Variants in HMCN1 observed in about 807,000 individuals in gnomAD.
The protein encoded by HMCN1 is hemicentin-1.
Under a neutral mutation model 625.9 loss-of-function variants are expected in HMCN1, and 321 were observed. The observed-to-expected ratio is 0.51, with a 90% confidence interval of 0.47 to 0.56. The LOEUF (loss-of-function observed/expected upper bound fraction) is 0.56, where lower values mean the gene tolerates loss of function less well. Among genes scored for constraint, HMCN1 ranks in the 20% least tolerant of loss-of-function variants. The pLI is 0.00. For missense variants in HMCN1, 6,588 were observed against 6,887.3 expected (o/e 0.96, Z 1.54); for synonymous variants, 2,425 against 2,417.6 (o/e 1.00, Z -0.09).
intron 1 of HMCN1, among the ~76,000 whole-genome samples, chr1:185,737,278 C>A (rs760340972): frequency 3.3e-5 from 5 of 152,018 alleles, no homozygotes; most frequent in Admixed American, 1.3e-4. Context: ...CTTCAGCCTC[C>A]CGAGTAGCTG....
chr1:185,740,796 C>T (rs1014599568), intron 1 of HMCN1, among the ~76,000 whole-genome samples: 1 of 151,974 alleles, frequency 6.6e-6, no homozygotes, highest in African/African-American at 2.4e-5. Context: ...GAGTTCAAGA[C>T]CAGCCTGGTC....
chr1:186,073,798 A>G (rs1658619373), intron 52 of HMCN1, among the ~76,000 whole-genome samples: 1 of 152,060 alleles, frequency 6.6e-6, no homozygotes, highest in South Asian at 2.1e-4. Flanking sequence ...ATGAAAAAAA[A>G]AAAACTTAAA....
chr1:185,900,813 G>A (rs1665763681), intron 4 of HMCN1, among the ~76,000 whole-genome samples: 1 of 151,882 alleles, frequency 6.6e-6, no homozygotes, highest in African/African-American at 2.4e-5. Context: ...AATCAGAGTA[G>A]AGATATACAA....
chr1:185,857,448 T>G (rs946588961), intron 2 of HMCN1, among the ~76,000 whole-genome samples: 2 of 151,380 alleles, frequency 1.3e-5, no homozygotes, highest in African/African-American at 4.9e-5. Flanking sequence ...ACAGTTCATC[T>G]CCATTATACC....
At chr1:186,017,726 C>T (rs1654455352) in intron 33 of HMCN1, among the ~76,000 whole-genome samples, 2 of 151,970 alleles carry the variant, frequency 1.3e-5, no homozygotes, top group South Asian at 4.1e-4. Context: ...ATTATTTAAA[C>T]ATTGAAGAGA....
intron 1 of HMCN1, among the ~76,000 whole-genome samples, chr1:185,783,514 T>C (rs1657307335): frequency 6.6e-6 from 1 of 152,168 alleles, no homozygotes; most frequent in African/African-American, 2.4e-5. Flanking sequence ...GACGTACGGA[T>C]GGGGTTTTGG....
At position 186,137,492 on chromosome 1, in the gene HMCN1, T is replaced by A; in HGVS notation, c.13583-6T>A. The A allele has an allele frequency of 6.2e-7, 1 of 1,612,928 alleles. No individual in the cohort carries two copies. The highest frequency in any genetic ancestry group is 8.5e-7 in the Non-Finnish European group (1 of 1,179,560). ...GCTTAGACAAAGTACAATGTTTTAT[T>A]TGCAGTTCATGGTGGATTTTCCCAG... On this transcript the variant is annotated splice_region_variant and splice_polypyrimidine_tract_variant and intron_variant, in intron 87 of 106. Transcript: ENST00000271588.
In HMCN1 at chr1:186,189,825, G is replaced by A; in HGVS notation, c.16855G>A (p.Glu5619Lys). The change falls in exon 107 of 107, where the codon GAA (glutamate) becomes AAA (lysine). Residue 5619 changes from glutamate (E) to lysine (K), a missense_variant. By Grantham distance (56) the Glu-to-Lys change is moderately conservative. Coordinates refer to ENST00000271588, the MANE Select transcript of HMCN1 (RefSeq NM_031935.3). ...ASSYSANGTIEYQTTFIVYIA... is the reference protein window; with the variant it reads ...ASSYSANGTIKYQTTFIVYIA... ...ATCCTACAGTGCCAATGGGACCATTGAATATCAGACCACATTCATAGTTTA... is the reference window on the plus strand; with the variant it reads ...ATCCTACAGTGCCAATGGGACCATTAAATATCAGACCACATTCATAGTTTA... The A allele has an allele frequency of 1.2e-6, 2 of 1,613,744 alleles. No individual in the cohort carries two copies. Among genetic ancestry groups the A allele is most frequent in the Non-Finnish European group, 1.7e-6 (2 of 1,179,822 alleles).
rs1431117252 is a variant in HMCN1, at chr1:186,132,359, C to T, written c.13262C>T (p.Ala4421Val). ...NEDAGDYTCV[A>V]TNEAGVVERS... ...GATGCCGGTGACTATACATGTGTAG[C>T]TACCAATGAAGCTGGGGTGGTGGAG... Residue 4421 changes from alanine (A) to valine (V), a missense_variant, in exon 86 of 107, where the codon GCT becomes GTT. This residue lies in a region of HMCN1 where 1,954 missense variants were observed against 2,013.1 expected (regional missense o/e 0.97). Transcript: ENST00000271588. 1 of 1,612,706 alleles carries T rather than the reference C, an allele frequency of 6.2e-7. No homozygotes were observed. Among genetic ancestry groups the T allele is most frequent in the Non-Finnish European group, 8.5e-7 (1 of 1,179,360 alleles).
chr1:185,755,762 T>C (rs1260626904), intron 1 of HMCN1, among the ~76,000 whole-genome samples: 1 of 152,050 alleles, frequency 6.6e-6, no homozygotes, highest in Non-Finnish European at 1.5e-5. Flanking sequence ...CATTTTTCTC[T>C]GGGATGGGGT....
intron 1 of HMCN1, among the ~76,000 whole-genome samples, chr1:185,832,257 C>T (rs1313405933): frequency 6.6e-6 from 1 of 152,064 alleles, no homozygotes. Flanking sequence ...GATCACACCA[C>T]TGCACTCCAG....
chr1:185,954,771 C>T (rs189670005), intron 11 of HMCN1, among the ~76,000 whole-genome samples: 1 of 152,076 alleles, frequency 6.6e-6, no homozygotes, highest in South Asian at 2.1e-4. Context: ...TACCTTACTT[C>T]TCTCTCTCTA....
intron 5 of HMCN1, 44 bp downstream of exon 5, chr1:185,909,552 G>A (rs375036778): frequency 6.5e-7 from 1 of 1,527,848 alleles, no homozygotes. Context: ...AAAATACATA[G>A]AGGGTAAAAT....
chr1:186,000,757 A>C (rs1653139790), intron 26 of HMCN1, among the ~76,000 whole-genome samples: 1 of 151,976 alleles, frequency 6.6e-6, no homozygotes, highest in African/African-American at 2.4e-5. Flanking sequence ...TAATGTTCCT[A>C]ACTGTATAGC....
intron 4 of HMCN1, among the ~76,000 whole-genome samples, chr1:185,871,456 C>T (rs1300901567): frequency 6.6e-6 from 1 of 152,062 alleles, no homozygotes; most frequent in Non-Finnish European, 1.5e-5. Context: ...ATAGTTTCTA[C>T]CTCATAGTGT....
intron 1 of HMCN1, among the ~76,000 whole-genome samples, chr1:185,736,199 T>C (rs1653559207): frequency 6.6e-6 from 1 of 152,210 alleles, no homozygotes; most frequent in African/African-American, 2.4e-5. Context: ...CGGATTTTCA[T>C]GCTCTTCACA....
chr1:185,982,248 C>G lies in HMCN1; in HGVS notation c.2663-14C>G, dbSNP rs1434036180. 6.2e-7 allele frequency: 1 copy of G among 1,613,618 alleles called. No individual in the cohort carries two copies. ...AAATAGAGTTGAAAGTGCCTGTGCT[C>G]TCTCTTGATTTAGTTGCTCCACTTA... On this transcript the variant is annotated splice_polypyrimidine_tract_variant and intron_variant, in intron 17 of 106. Transcript: ENST00000271588.
intron 101 of HMCN1, among the ~76,000 whole-genome samples, chr1:186,171,734 G>A (rs957388225): frequency 7.2e-5 from 11 of 151,852 alleles, no homozygotes; most frequent in Non-Finnish European, 1.3e-4. Flanking sequence ...TACAAATGAA[G>A]TTAGTATATA....
chr1:185,845,917 A>T, intron 1 of HMCN1, 109 bp from the exon 2 acceptor site: 1 of 717,186 alleles, frequency 1.4e-6, no homozygotes, highest in Non-Finnish European at 2.5e-6. Flanking sequence ...ACTATTTCTT[A>T]TTAATAAGTA....
Sources: allele counts gnomAD v4.1 joint callset (sites outside exome capture counted in the v4.1 genomes callset), GRCh38; gene constraint gnomAD v4.1.1; regional missense constraint gnomAD v4.1.1; transcripts MANE v1.5; gene names NCBI Gene and HGNC (gene_info 2026-07-23, HGNC 2026-07-21).